The following AGMO variants were observed in gnomAD, a reference collection of about 807,000 sequenced individuals.
The protein encoded by AGMO is glyceryl-ether monooxygenase.
AGMO carries 75 observed loss-of-function variants against 60.2 expected under a neutral mutation model. The ratio of observed to expected loss-of-function variants is 1.25; its 90% CI spans 1.03 to 1.51. The LOEUF (loss-of-function observed/expected upper bound fraction) is 1.51, where lower values mean the gene tolerates loss of function less well. Ranked by LOEUF, AGMO falls within the 40% of genes most tolerant of loss-of-function variation. The pLI is 0.00. For synonymous variants in AGMO, 261 were observed against 177.1 expected (o/e 1.47, Z -3.76); for missense variants, 763 against 525.5 (o/e 1.45, Z -4.42).
chr7:15,388,078 T>G (rs947173929), intron 8 of AGMO, among the ~76,000 whole-genome samples: 1 of 152,106 alleles, frequency 6.6e-6, no homozygotes, highest in Non-Finnish European at 1.5e-5. Flanking sequence ...AGGCTAATTT[T>G]TGTAGTTTTA....
intron 12 of AGMO, among the ~76,000 whole-genome samples, chr7:15,259,282 A>G (rs1461465905): frequency 1.3e-5 from 2 of 152,012 alleles, no homozygotes; most frequent in South Asian, 2.1e-4. Context: ...TCTCAGCAAT[A>G]GAATTGAACA....
chr7:15,551,797 T>A (rs1480347541), intron 2 of AGMO, among the ~76,000 whole-genome samples: 1 of 151,888 alleles, frequency 6.6e-6, no homozygotes, highest in African/African-American at 2.4e-5. Flanking sequence ...ATGACTTTCC[T>A]CACAGAATTG....
At chr7:15,166,588 T>C in the AGMO span, among the ~76,000 whole-genome samples, 3 of 152,112 alleles carry the variant, frequency 2.0e-5, no homozygotes, top group African/African-American at 7.2e-5. Flanking sequence ...AAAGTTATCA[T>C]TCCAGGTGCT....
chr7:15,171,769 C>A, the AGMO span, among the ~76,000 whole-genome samples: 1 of 152,122 alleles, frequency 6.6e-6, no homozygotes, highest in Admixed American at 6.6e-5. Flanking sequence ...TAACTCCATG[C>A]CTTTTATCTT....
chr7:15,380,569 T>TA (rs1201708915), intron 10 of AGMO, among the ~76,000 whole-genome samples: 1 of 152,154 alleles, frequency 6.6e-6, no homozygotes, highest in African/African-American at 2.4e-5. Flanking sequence ...TCAATATCAT[T>TA]TAAATGGCCA....
chr7:15,526,118 A>G (rs1784122728), intron 3 of AGMO, among the ~76,000 whole-genome samples: 1 of 152,128 alleles, frequency 6.6e-6, no homozygotes, highest in Non-Finnish European at 1.5e-5. Context: ...GGTGCAAGCC[A>G]GGCACTGCCC....
At chr7:15,360,091 A>AT (rs748898579) in intron 12 of AGMO, among the ~76,000 whole-genome samples, 1 of 152,212 alleles carries the variant, frequency 6.6e-6, no homozygotes, top group Non-Finnish European at 1.5e-5. Context: ...AGACATTATT[A>AT]TAAGTACTTT....
chr7:15,313,740 A>G (rs910824964), intron 12 of AGMO, among the ~76,000 whole-genome samples: 1 of 152,178 alleles, frequency 6.6e-6, no homozygotes, highest in African/African-American at 2.4e-5. Context: ...TATATATACT[A>G]TATTTTTCCT....
chr7:15,210,056 A>G (rs1408737626), intron 12 of AGMO, among the ~76,000 whole-genome samples: 1 of 152,192 alleles, frequency 6.6e-6, no homozygotes, highest in Non-Finnish European at 1.5e-5. Flanking sequence ...TTTATTATTA[A>G]AACAAAGATT....
intron 12 of AGMO, among the ~76,000 whole-genome samples, chr7:15,293,291 G>C (rs1784324522): frequency 2.0e-5 from 3 of 152,024 alleles, no homozygotes. Flanking sequence ...CCAGAAGCTG[G>C]ATAATTCTTA....
At chr7:15,395,465 G>A (rs902355662) in intron 5 of AGMO, among the ~76,000 whole-genome samples, 2 of 151,792 alleles carry the variant, frequency 1.3e-5, no homozygotes, top group South Asian at 4.2e-4. Context: ...AATAAACAGG[G>A]TATTAATAGG....
rs1192810596 is a variant in AGMO at position 15,431,110 on chromosome 7, T to C, written c.410-2A>G. ...GTCCGGCCCACATAATATTAACTTC[T>C]GCAAAACACATAATTTGCAATGAGC... On this transcript the variant is annotated splice_acceptor_variant, in intron 3 of 12. Coordinates refer to ENST00000342526, the MANE Select transcript of AGMO (RefSeq NM_001004320.2). LOFTEE classifies it high-confidence loss of function. 21 of 1,603,570 alleles carry C rather than the reference T, an allele frequency of 1.3e-5. No homozygotes were observed. Among genetic ancestry groups the C allele is most frequent in the Non-Finnish European group, 1.7e-5 (20 of 1,171,644 alleles).
intron 3 of AGMO, among the ~76,000 whole-genome samples, chr7:15,443,957 C>T (rs868622622): frequency 6.6e-6 from 1 of 152,140 alleles, no homozygotes. Context: ...AAGAAACTAT[C>T]TTTAGCCCTC....
intron 12 of AGMO, among the ~76,000 whole-genome samples, chr7:15,315,016 T>C (rs1438661448): frequency 6.6e-6 from 1 of 152,048 alleles, no homozygotes; most frequent in Non-Finnish European, 1.5e-5. Context: ...CGCCAGCTGA[T>C]AGCCCGCAAG....
chr7:15,384,078 G>T (rs1783811414), intron 10 of AGMO, among the ~76,000 whole-genome samples: 1 of 152,082 alleles, frequency 6.6e-6, no homozygotes, highest in African/African-American at 2.4e-5. Context: ...TGGGACTACA[G>T]GGCCCGCCAC....
At chr7:15,560,466 G>A (rs1431741435) in intron 1 of AGMO, among the ~76,000 whole-genome samples, 195 bp from the exon 2 acceptor site, 1 of 152,072 alleles carries the variant, frequency 6.6e-6, no homozygotes, top group African/African-American at 2.4e-5. Context: ...CACTAAACAT[G>A]TGCTCAAATT....
intron 3 of AGMO, among the ~76,000 whole-genome samples, chr7:15,514,336 G>C (rs926961461): frequency 1.3e-5 from 2 of 152,068 alleles, no homozygotes; most frequent in African/African-American, 4.8e-5. Context: ...TTCTGGAATA[G>C]TCACCACATA....
intron 3 of AGMO, among the ~76,000 whole-genome samples, chr7:15,479,764 A>T (rs779466627): frequency 1.3e-5 from 2 of 152,172 alleles, no homozygotes; most frequent in Admixed American, 1.3e-4. Flanking sequence ...TGAAGAGGAC[A>T]TGGGCTCTGC....
intron 12 of AGMO, among the ~76,000 whole-genome samples, chr7:15,277,351 AAATT>A (rs879420316): frequency 0.065 from 7,412 of 114,182 alleles, 268 homozygotes; most frequent in South Asian, 0.18. Flanking sequence ...ATAAATAAAT[AAATT>A]ATGTGTCATT....
Sources: gnomAD v4.1 joint callset for allele counts (sites outside exome capture counted in the v4.1 genomes callset) on GRCh38, gnomAD v4.1.1 for gene constraint, MANE v1.5 for transcripts, NCBI Gene and HGNC (gene_info 2026-07-23, HGNC 2026-07-21) for gene names.